Variants in TSPAN16 observed in about 807,000 individuals in gnomAD.
TSPAN16 encodes tetraspanin 16, also known as tetraspanin-16.
TSPAN16 carries 23 observed loss-of-function variants against 25.2 expected under a neutral mutation model. The observed-to-expected ratio is 0.91, with a 90% CI of 0.66 to 1.29. TSPAN16 has a LOEUF of 1.29. Among genes scored for constraint, TSPAN16 ranks in the 50% most tolerant of loss-of-function variants. The pLI, the probability that TSPAN16 is intolerant of heterozygous loss-of-function variation, is 0.00. For synonymous variants in TSPAN16, 123 were observed against 124.4 expected (o/e 0.99, Z 0.08); for missense variants, 272 against 299.9 (o/e 0.91, Z 0.69).
chr19:11,298,455 G>A (rs2080505112), intron 2 of TSPAN16, 116 bp downstream of exon 2: 11 of 958,622 alleles, frequency 1.1e-5, no homozygotes, highest in Non-Finnish European at 1.7e-5. Context: ...TTTTTGCGGG[G>A]ACAGGGTTTC....
chr19:11,326,092 C>T (rs760688068), intron 6 of TSPAN16, among the ~76,000 whole-genome samples: 2 of 151,648 alleles, frequency 1.3e-5, no homozygotes, highest in East Asian at 1.9e-4. Context: ...CATGGTGGCA[C>T]GCGTCTGTAA....
intron 6 of TSPAN16, 84 bp from the exon 7 acceptor site, chr19:11,315,707 T>A: frequency 9.1e-7 from 1 of 1,095,084 alleles, no homozygotes. Flanking sequence ...AACAGGATGC[T>A]CCCCTTGTCC....
chr19:11,306,677 AC>A lies in TSPAN16; in HGVS notation c.528del (p.Arg177GlyfsTer32), dbSNP rs2080630443. 1 of 1,613,944 alleles carries A rather than the reference AC, an allele frequency of 6.2e-7. No homozygotes were observed. Among genetic ancestry groups the A allele is most frequent in the Admixed American group, 1.7e-5 (1 of 59,974 alleles). On this transcript the variant is annotated frameshift_variant, in exon 5 of 7. Coordinates refer to ENST00000590327, the MANE Select transcript of TSPAN16 (RefSeq NM_001282509.2). LOFTEE classifies it high-confidence loss of function. ...SSFEMTTGHT[Y>X]PRSCCKSIGS... ...TTCGAAATGACAACGGGCCACACCT[AC>A]CCCAGGAGTTGCTGTAAATCCATCG...
chr19:11,320,841 C>T (rs2080774398), downstream of TSPAN16, among the ~76,000 whole-genome samples: 1 of 152,000 alleles, frequency 6.6e-6, no homozygotes. Flanking sequence ...TTTCCTACTG[C>T]TGGAAAGAAC....
chr19:11,306,067 A>G (rs2080622903), intron 4 of TSPAN16, among the ~76,000 whole-genome samples: 1 of 152,202 alleles, frequency 6.6e-6, no homozygotes, highest in Non-Finnish European at 1.5e-5. Flanking sequence ...CAGGAATTCG[A>G]GACCAGCCTG....
intron 6 of TSPAN16, among the ~76,000 whole-genome samples, chr19:11,326,154 G>A (rs916760623): frequency 4.6e-5 from 7 of 151,422 alleles, no homozygotes; most frequent in Admixed American, 2.0e-4. Context: ...TCTGGGAGGC[G>A]GAGGTTATAG....
chr19:11,305,403 G>A (rs1036907231), intron 4 of TSPAN16, among the ~76,000 whole-genome samples: 28 of 151,908 alleles, frequency 1.8e-4, no homozygotes, highest in African/African-American at 6.8e-4. Context: ...GGTGGTGCAT[G>A]CCTGTAATCC....
intron 6 of TSPAN16, among the ~76,000 whole-genome samples, chr19:11,321,810 G>C (rs1441988005): frequency 1.3e-5 from 2 of 152,156 alleles, no homozygotes; most frequent in African/African-American, 4.8e-5. Context: ...GGTGTTCACA[G>C]GTGCCCTCTT....
rs562045320 is a variant in TSPAN16 at position 11,311,057 on chromosome 19, G to A, written c.604-1082G>A. 3.3e-5 allele frequency among the ~76,000 whole-genome samples: 5 copies of A among 152,144 alleles called. No individual in the cohort carries two copies. The East Asian group carries it at 7.7e-4, about 23-fold the overall frequency. Reference sequence around the variant, plus strand: ...TCGCTACGTTGTCCAGGTCAATCTCGAACTCCTGGGCTCAGGGAATCTGCC... The same window carrying A: ...TCGCTACGTTGTCCAGGTCAATCTCAAACTCCTGGGCTCAGGGAATCTGCC... On this transcript the variant is annotated intron_variant, in intron 5 of 6. Coordinates refer to ENST00000590327, the MANE Select transcript of TSPAN16 (RefSeq NM_001282509.2).
chr19:11,314,949 G>A (rs2080730388), intron 6 of TSPAN16, among the ~76,000 whole-genome samples: 1 of 152,024 alleles, frequency 6.6e-6, no homozygotes, highest in African/African-American at 2.4e-5. Context: ...GAAGTGGAGA[G>A]GATGGGCCAG....
In TSPAN16 at chr19:11,306,737, C is replaced by T. The variant is rs2080631789; in HGVS notation, c.584C>T (p.Pro195Leu). ...SVSCDGRDVS[P>L]NVIHQKGCFH... ...TCCTGTGACGGACGCGATGTGTCTC[C>T]AAACGTCATCCACCAGAAGGTAACT... Residue 195 changes from proline to leucine, a missense_variant, in exon 5 of 7, where the codon CCA (proline) becomes CTA (leucine). Physicochemically the swap from Pro to Leu is moderately conservative, Grantham distance 98 (BLOSUM62 -3). Coordinates refer to ENST00000590327, the MANE Select transcript of TSPAN16 (RefSeq NM_001282509.2). 6.2e-7 allele frequency: 1 copy of T among 1,613,884 alleles called. No individual in the cohort carries two copies. Among genetic ancestry groups the T allele is most frequent in the African/African-American group, 1.3e-5 (1 of 74,922 alleles).
chr19:11,305,013 G>A (rs148904935), intron 4 of TSPAN16, among the ~76,000 whole-genome samples: 35 of 152,002 alleles, frequency 2.3e-4, no homozygotes, highest in African/African-American at 6.5e-4. Flanking sequence ...TGAACTCGTC[G>A]CCTGAAGTGA....
chr19:11,300,623 C>G lies in TSPAN16; in HGVS notation c.343-578C>G, dbSNP rs142103151. Among the ~76,000 whole-genome samples, 52 of 152,220 alleles carry G rather than the reference C, an allele frequency of 3.4e-4. 1 individual carries two copies. In the South Asian group the frequency reaches 4.3e-3, roughly 13 times the overall value. ...TGAAAATATACTTTGCTTTGACACA[C>G]ATAGAAGAACATCTCTTTGGGGACA... is the stretch of plus-strand genomic sequence containing the variant. On this transcript the variant is annotated intron_variant, in intron 3 of 6. Transcript: ENST00000590327.
At chr19:11,323,104 C>G (rs2080790362) in intron 6 of TSPAN16, 1 of 148,298 alleles carries the variant, frequency 6.7e-6, no homozygotes, top group African/African-American at 2.5e-5. Flanking sequence ...GAGCGACTCT[C>G]TGTCTTAAAA....
chr19:11,298,566 C>G (rs1274923338), intron 2 of TSPAN16, among the ~76,000 whole-genome samples: 2 of 152,074 alleles, frequency 1.3e-5, no homozygotes, highest in African/African-American at 4.8e-5. Context: ...TCCCGAGTAG[C>G]TGGGATTACA....
At chr19:11,302,638 C>T (rs1162065288) in intron 4 of TSPAN16, among the ~76,000 whole-genome samples, 47 of 135,004 alleles carry the variant, frequency 3.5e-4, no homozygotes, top group African/African-American at 1.4e-3. Context: ...TATATACACA[C>T]ATACATATAT....
At chr19:11,298,433 CTAT>C (rs746295202) in intron 2 of TSPAN16, 94 bp downstream of exon 2, 2 of 1,237,056 alleles carry the variant, frequency 1.6e-6, no homozygotes, top group Non-Finnish European at 2.2e-6. Context: ...TTGGTGTCAC[CTAT>C]TTTTTTTTTT....
chr19:11,299,661 T>G (rs2080520876), intron 3 of TSPAN16, among the ~76,000 whole-genome samples: 1 of 152,188 alleles, frequency 6.6e-6, no homozygotes. Context: ...AGAATCACAT[T>G]CATGCCAGGG....
chr19:11,309,730 C>T (rs1196795479), intron 5 of TSPAN16, among the ~76,000 whole-genome samples: 1 of 152,106 alleles, frequency 6.6e-6, no homozygotes, highest in Non-Finnish European at 1.5e-5. Context: ...CAAATGTCAG[C>T]CCCATGAGGG....
Sources: gnomAD v4.1 joint callset for allele counts (sites outside exome capture counted in the v4.1 genomes callset) on GRCh38, gnomAD v4.1.1 for gene constraint, MANE v1.5 for transcripts, NCBI Gene and HGNC (gene_info 2026-07-23, HGNC 2026-07-21) for gene names.